Variants in PRKAG2 observed in about 807,000 individuals in gnomAD.
PRKAG2 encodes 5'-AMP-activated protein kinase subunit gamma-2.
Under a neutral mutation model 69.6 loss-of-function variants are expected in PRKAG2, and 26 were observed. The observed-to-expected ratio is 0.37, with a 90% CI of 0.27 to 0.52. The LOEUF is 0.52. Among genes scored for constraint, PRKAG2 ranks in the 20% least tolerant of loss-of-function variants. The pLI is 0.90. For synonymous variants in PRKAG2, 293 were observed against 285.0 expected (o/e 1.03, Z -0.28); for missense variants, 557 against 740.0 (o/e 0.75, Z 2.87).
At chr7:151,754,490 GGGTGCCCGCGTTGGCT>G (rs149844324) in intron 3 of PRKAG2, among the ~76,000 whole-genome samples, 9,383 of 152,324 alleles carry the variant, frequency 0.062, 416 homozygotes, top group African/African-American at 0.13. Flanking sequence ...GGGGGGCCCA[GGGTGCCCGCGTTGGCT>G]GGGCCAGCAC....
chr7:151,735,818 G>A, intron 3 of PRKAG2: 1 of 1,505,916 alleles, frequency 6.6e-7, no homozygotes, highest in South Asian at 1.2e-5. Flanking sequence ...AACAGCTACT[G>A]CTTAGGAGGG....
intron 1 of PRKAG2, among the ~76,000 whole-genome samples, chr7:151,803,781 T>C (rs1028567387): frequency 6.6e-6 from 1 of 151,054 alleles, no homozygotes; most frequent in East Asian, 1.9e-4. Flanking sequence ...CTACTAAATA[T>C]ACAAAAATTA....
At chr7:151,600,215 A>G (rs1815713050) in intron 5 of PRKAG2, among the ~76,000 whole-genome samples, 1 of 152,148 alleles carries the variant, frequency 6.6e-6, no homozygotes, top group African/African-American at 2.4e-5. Context: ...AGTCCAAATT[A>G]TGCCATCTGC....
intron 5 of PRKAG2, among the ~76,000 whole-genome samples, chr7:151,603,967 T>C (rs1563233873): frequency 6.6e-6 from 1 of 152,046 alleles, no homozygotes; most frequent in Non-Finnish European, 1.5e-5. Flanking sequence ...AATCCAATCC[T>C]AGGTTAGGAG....
intron 3 of PRKAG2, among the ~76,000 whole-genome samples, chr7:151,725,920 C>G (rs1370152739): frequency 3.9e-5 from 6 of 152,230 alleles, no homozygotes; most frequent in African/African-American, 1.4e-4. Flanking sequence ...TTTTTCTATC[C>G]TAGGGATGAA....
intron 3 of PRKAG2, among the ~76,000 whole-genome samples, chr7:151,739,313 G>A (rs375275576): frequency 1.1e-4 from 17 of 152,170 alleles, no homozygotes; most frequent in East Asian, 3.8e-4. Context: ...TTGCTTAGCC[G>A]ATCAAGAAAC....
At chr7:151,857,043 A>G (rs189617845) in intron 1 of PRKAG2, among the ~76,000 whole-genome samples, 6 of 151,372 alleles carry the variant, frequency 4.0e-5, no homozygotes, top group South Asian at 2.1e-4. Context: ...GACACTAACC[A>G]GTGTAATTTT....
chr7:151,782,977 C>T (rs1234212329), intron 2 of PRKAG2, among the ~76,000 whole-genome samples: 1 of 152,228 alleles, frequency 6.6e-6, no homozygotes, highest in African/African-American at 2.4e-5. Flanking sequence ...CTCGGGCGGC[C>T]GCGCTGTGCT....
chr7:151,860,006 G>A (rs912189316), intron 1 of PRKAG2, among the ~76,000 whole-genome samples: 1 of 152,138 alleles, frequency 6.6e-6, no homozygotes, highest in Non-Finnish European at 1.5e-5. Context: ...CTGCAGGTGG[G>A]ACTGTGGGCT....
chr7:151,872,805 A>G (rs2080250179), intron 1 of PRKAG2, among the ~76,000 whole-genome samples: 1 of 152,170 alleles, frequency 6.6e-6, no homozygotes, highest in Non-Finnish European at 1.5e-5. Flanking sequence ...CAGTCCACCA[A>G]GGCTGCAGGT....
rs559991612 is a variant in PRKAG2, at chr7:151,773,249, GGAAA to G, written c.466+7899_466+7902del. Among the ~76,000 whole-genome samples, 319 of 146,750 alleles carry G rather than the reference GGAAA, an allele frequency of 2.2e-3. 1 individual carries two copies. Among genetic ancestry groups the G allele is most frequent in the Middle Eastern group, 3.6e-3 (1 of 278 alleles). Reference sequence around the variant, plus strand: ...GAAAGAAAGGAAAGGAAAGAAAGAAGGAAAGAAAGAAAGAAAGAGAAAGAAAGAG... The same window carrying G: ...GAAAGAAAGGAAAGGAAAGAAAGAAGGAAAGAAAGAAAGAGAAAGAAAGAG... On this transcript the variant is annotated intron_variant, in intron 3 of 15. Transcript: ENST00000287878.
At chr7:151,816,546 CACGCATCAGGACAGAAAT>C (rs1303096203) in intron 1 of PRKAG2, among the ~76,000 whole-genome samples, 11 of 152,196 alleles carry the variant, frequency 7.2e-5, no homozygotes, top group Non-Finnish European at 1.2e-4. Context: ...CATGGATGAA[CACGCATCAGGACAGAAAT>C]AAGCATCATC....
intron 3 of PRKAG2, among the ~76,000 whole-genome samples, chr7:151,721,405 C>T (rs995179231): frequency 1.3e-5 from 2 of 152,148 alleles, no homozygotes; most frequent in African/African-American, 4.8e-5. Flanking sequence ...GGGCCAGGGC[C>T]GGGGCCGAGG....
chr7:151,873,731 C>T (rs1376862747), intron 1 of PRKAG2, among the ~76,000 whole-genome samples: 1 of 152,204 alleles, frequency 6.6e-6, no homozygotes, highest in Non-Finnish European at 1.5e-5. Context: ...CCAACTATAA[C>T]ATGGTTTTTC....
At chr7:151,576,553 T>C (rs1585003897) in intron 6 of PRKAG2, 101 bp from the exon 7 acceptor site, 8 of 1,045,406 alleles carry the variant, frequency 7.7e-6, no homozygotes, top group Non-Finnish European at 1.0e-5. Context: ...CAGGCTGGAG[T>C]GCAGTGGCAC....
At chr7:151,744,257 C>T (rs1372378183) in intron 3 of PRKAG2, among the ~76,000 whole-genome samples, 3 of 152,236 alleles carry the variant, frequency 2.0e-5, no homozygotes, top group Non-Finnish European at 2.9e-5. Flanking sequence ...CACGTTCCCA[C>T]GGCATCGGGG....
chr7:151,746,102 G>A (rs1276590417), intron 3 of PRKAG2, among the ~76,000 whole-genome samples: 6 of 152,182 alleles, frequency 3.9e-5, no homozygotes, highest in African/African-American at 1.4e-4. Flanking sequence ...TACAAGTGCT[G>A]AAGTGAGCTG....
chr7:151,804,844 T>C (rs1255820895), intron 1 of PRKAG2, among the ~76,000 whole-genome samples: 1 of 152,232 alleles, frequency 6.6e-6, no homozygotes, highest in Non-Finnish European at 1.5e-5. Context: ...ACACAGGTTT[T>C]GTTGCGGCTG....
chr7:151,647,494 C>T (rs191472498), intron 4 of PRKAG2, among the ~76,000 whole-genome samples: 2 of 152,302 alleles, frequency 1.3e-5, no homozygotes, highest in Admixed American at 1.3e-4. Context: ...ATAGCGACTG[C>T]ATTGTGGGCA....
Sources: gnomAD v4.1 joint callset for allele counts (sites outside exome capture counted in the v4.1 genomes callset) on GRCh38, gnomAD v4.1.1 for gene constraint, MANE v1.5 for transcripts, NCBI Gene and HGNC (gene_info 2026-07-23, HGNC 2026-07-21) for gene names.